MTIF2: variants seen among roughly 807,000 people sequenced by gnomAD.
The protein encoded by MTIF2 is mitochondrial translational initiation factor 2, also known as translation initiation factor IF-2, mitochondrial.
Under a neutral mutation model 83.5 loss-of-function variants are expected in MTIF2, and 71 were observed. That is an observed-to-expected ratio of 0.85 (90% CI 0.70 to 1.04). The LOEUF is 1.04. Among genes scored for constraint, MTIF2 ranks in the 50% least tolerant of loss-of-function variants. The pLI is 0.00. For synonymous variants in MTIF2, 319 were observed against 287.1 expected, an observed-to-expected ratio of 1.11 and a Z score of -1.12; for missense variants, 957 against 846.5, an observed-to-expected ratio of 1.13 and a Z score of -1.62.
chr2:55,238,846 C>G lies in MTIF2; in HGVS notation c.1870+1165G>C, dbSNP rs1347381059. Among the ~76,000 whole-genome samples, 7 of 152,172 alleles carry G rather than the reference C, an allele frequency of 4.6e-5. No homozygotes were observed. In the East Asian group the frequency reaches 1.3e-3, roughly 29 times the overall value. ...CTTAATCCTAGAAACCCTCATGACT[C>G]AGTTTTCCACATTGCTCTTAGCACA... On this transcript the variant is annotated intron_variant, in intron 14 of 15. Transcript: ENST00000263629.
intron 4 of MTIF2, among the ~76,000 whole-genome samples, chr2:55,263,002 C>T (rs1026699303): frequency 6.6e-6 from 1 of 152,226 alleles, no homozygotes; most frequent in Non-Finnish European, 1.5e-5. Context: ...GCCGTGATTA[C>T]AGGCGTGAGC....
At chr2:55,258,674 T>C (rs1385239267) in intron 5 of MTIF2, among the ~76,000 whole-genome samples, 2 of 152,018 alleles carry the variant, frequency 1.3e-5, no homozygotes, top group Non-Finnish European at 2.9e-5. Context: ...TAGCCAGGCG[T>C]GGTGGCACAT....
chr2:55,265,967 T>A (rs1256116791), intron 3 of MTIF2, among the ~76,000 whole-genome samples: 2 of 152,220 alleles, frequency 1.3e-5, no homozygotes, highest in Non-Finnish European at 2.9e-5. Context: ...GTATCATAAG[T>A]AATCTAGAGA....
chr2:55,263,497 C>T (rs1678190378), intron 4 of MTIF2, 143 bp downstream of exon 4: 1 of 616,850 alleles, frequency 1.6e-6, no homozygotes, highest in East Asian at 2.8e-5. Flanking sequence ...GTAACCCCAG[C>T]TACTCAGGAG....
chr2:55,236,759 A>G lies in MTIF2; in HGVS notation c.2073T>C (p.Asp691=), dbSNP rs1173214681. The change falls in exon 16 of 16, where the codon GAT becomes GAC. Residue 691 remains aspartate, a synonymous_variant. Coordinates refer to ENST00000263629, the MANE Select transcript of MTIF2 (RefSeq NM_002453.3). ...DDISIVKTGM[D]CGLSLDEDNM... is the part of the protein sequence containing the mutation. ...TGTCTTCATCTAAACTGAGACCACA[A>G]TCCATTCCCGTTTTGACAATTGAAA... 6.8e-6 allele frequency: 11 copies of G among 1,611,490 alleles called. No homozygotes were observed. Among genetic ancestry groups the G allele is most frequent in the Middle Eastern group, 1.6e-4 (1 of 6,070 alleles).
chr2:55,253,086 C>CATA (rs1288493629), intron 7 of MTIF2, among the ~76,000 whole-genome samples: 1 of 152,032 alleles, frequency 6.6e-6, no homozygotes. Flanking sequence ...CCTGGCTATG[C>CATA]TACTTACTGG....
chr2:55,247,257 T>C (rs183659533), intron 9 of MTIF2, among the ~76,000 whole-genome samples: 1 of 152,096 alleles, frequency 6.6e-6, no homozygotes, highest in South Asian at 2.1e-4. Flanking sequence ...TGTTACAAAG[T>C]ATAAAACAAC....
chr2:55,256,413 T>A (rs534823035), intron 5 of MTIF2, among the ~76,000 whole-genome samples: 13 of 151,932 alleles, frequency 8.6e-5, no homozygotes, highest in African/African-American at 2.7e-4. Context: ...TTTTTTATTT[T>A]AAAAAAATTT....
intron 5 of MTIF2, among the ~76,000 whole-genome samples, chr2:55,259,894 G>C (rs368749929): frequency 1.3e-5 from 2 of 151,984 alleles, no homozygotes; most frequent in Non-Finnish European, 2.9e-5. Flanking sequence ...CAGTAAGCCA[G>C]GATCCTGCCA....
At chr2:55,242,744 C>G (rs1362886624) in intron 13 of MTIF2, among the ~76,000 whole-genome samples, 196 bp downstream of exon 13, 1 of 152,132 alleles carries the variant, frequency 6.6e-6, no homozygotes, top group Non-Finnish European at 1.5e-5. Flanking sequence ...AGTACAACCA[C>G]AACAAATGGA....
chr2:55,252,698 C>T (rs1439851087), intron 7 of MTIF2, 45 bp from the exon 8 acceptor site: 1 of 1,436,150 alleles, frequency 7.0e-7, no homozygotes, highest in African/African-American at 1.4e-5. Flanking sequence ...CAAACATGTA[C>T]TTCCTTAATA....
intron 5 of MTIF2, among the ~76,000 whole-genome samples, chr2:55,255,109 A>G (rs1677407767): frequency 6.6e-6 from 1 of 151,840 alleles, no homozygotes. Flanking sequence ...TAAATTTAGT[A>G]TTTATAATAA....
chr2:55,261,555 C>A (rs532260690), intron 5 of MTIF2, among the ~76,000 whole-genome samples: 1 of 151,740 alleles, frequency 6.6e-6, no homozygotes, highest in African/African-American at 2.4e-5. Flanking sequence ...TGCAGGGAGC[C>A]GAGATCGTGC....
At chr2:55,259,712 G>A (rs1033927474) in intron 5 of MTIF2, among the ~76,000 whole-genome samples, 1 of 152,186 alleles carries the variant, frequency 6.6e-6, no homozygotes, top group Non-Finnish European at 1.5e-5. Context: ...GGAAGGCTAA[G>A]ATGTGCAGAT....
At chr2:55,254,606 CTA>C (rs774559618) in intron 6 of MTIF2, 46 bp downstream of exon 6, 238 of 1,410,686 alleles carry the variant, frequency 1.7e-4, no homozygotes, top group Non-Finnish European at 2.2e-4. Flanking sequence ...GTAAATATAA[CTA>C]TGTAGTCTCC....
At chr2:55,260,595 T>G (rs1348284782) in intron 5 of MTIF2, among the ~76,000 whole-genome samples, 1 of 152,204 alleles carries the variant, frequency 6.6e-6, no homozygotes, top group African/African-American at 2.4e-5. Flanking sequence ...CCATATTCCA[T>G]AGGTTCAAAT....
At chr2:55,238,574 A>C (rs1479241908) in intron 14 of MTIF2, among the ~76,000 whole-genome samples, 1 of 151,962 alleles carries the variant, frequency 6.6e-6, no homozygotes, top group African/African-American at 2.4e-5. Flanking sequence ...TATTTTTAGT[A>C]AAGACGGGGT....
intron 11 of MTIF2, among the ~76,000 whole-genome samples, 174 bp from the exon 12 acceptor site, chr2:55,243,842 G>T (rs1676503046): frequency 6.6e-6 from 1 of 152,082 alleles, no homozygotes; most frequent in Non-Finnish European, 1.5e-5. Flanking sequence ...TAATTGAAAT[G>T]ATTTAAAAAT....
In MTIF2 at chr2:55,236,675, G is replaced by C. The variant is rs752876659; in HGVS notation, c.2157C>G (p.Ala719=). Residue 719 remains alanine, a synonymous_variant, in exon 16 of 16, where the codon GCC becomes GCG. Coordinates refer to ENST00000263629, the MANE Select transcript of MTIF2 (RefSeq NM_002453.3). The part of the protein sequence containing the change: ...IVCYEEKQIQ[A]KTSWDPGF ...AAAATCCTGGATCCCAAGAAGTCTTGGCTTGAATTTGCTTTTCTTCATAAC... is the reference window on the plus strand; with the variant it reads ...AAAATCCTGGATCCCAAGAAGTCTTCGCTTGAATTTGCTTTTCTTCATAAC... 5.0e-6 allele frequency: 8 copies of C among 1,597,258 alleles called. No individual in the cohort carries two copies. The East Asian group carries it at 1.8e-4, about 36-fold the overall frequency.
Sources: allele counts gnomAD v4.1 joint callset (sites outside exome capture counted in the v4.1 genomes callset), GRCh38; gene constraint gnomAD v4.1.1; transcripts MANE v1.5; gene names NCBI Gene and HGNC (gene_info 2026-07-23, HGNC 2026-07-21).